The following RBBP8 variants were observed in gnomAD, a reference collection of about 807,000 sequenced individuals.
RBBP8 encodes the protein DNA endonuclease RBBP8.
In RBBP8, 88 loss-of-function variants were observed where a neutral mutation model predicts 108.3. That is an observed-to-expected ratio of 0.81 (90% CI 0.68 to 0.97). The LOEUF (loss-of-function observed/expected upper bound fraction) is 0.97, where lower values mean the gene tolerates loss of function less well. Among genes scored for constraint, RBBP8 ranks in the 50% least tolerant of loss-of-function variants. RBBP8 has a pLI of 0.00. For synonymous variants in RBBP8, 332 were observed against 348.2 expected, an observed-to-expected ratio of 0.95 and a Z score of 0.52; for missense variants, 1,023 against 1,049.0, an observed-to-expected ratio of 0.98 and a Z score of 0.34.
At chr18:22,958,581 G>T (rs1433213814) in intron 4 of RBBP8, among the ~76,000 whole-genome samples, 2 of 151,910 alleles carry the variant, frequency 1.3e-5, no homozygotes, top group African/African-American at 4.8e-5. Context: ...TTGAGGCAGG[G>T]TCTCGCTCTG....
chr18:22,995,826 A>G (rs1344291570), intron 12 of RBBP8, among the ~76,000 whole-genome samples: 2 of 152,104 alleles, frequency 1.3e-5, no homozygotes, highest in Admixed American at 6.5e-5. Flanking sequence ...CTTTTTTGCT[A>G]TTATGAACAA....
intron 16 of RBBP8, among the ~76,000 whole-genome samples, chr18:23,013,182 G>C (rs1049340117): frequency 6.6e-6 from 1 of 152,070 alleles, no homozygotes; most frequent in African/African-American, 2.4e-5. Context: ...TATTATAGTA[G>C]AGAAAGAGTG....
intron 5 of RBBP8, among the ~76,000 whole-genome samples, chr18:22,970,197 A>T (rs1272207966): frequency 6.6e-6 from 1 of 152,170 alleles, no homozygotes. Flanking sequence ...GCTTTTTGGA[A>T]CTTTGTAGAA....
chr18:23,023,869 C>CTT (rs10655759), intron 18 of RBBP8, among the ~76,000 whole-genome samples: 45,159 of 86,206 alleles, frequency 0.52, 14,702 homozygotes, highest in Non-Finnish European at 0.61. Context: ...ATGAAGGGGC[C>CTT]TTTTTTTTTT....
At chr18:22,972,065 A>G (rs1914136300) in intron 5 of RBBP8, among the ~76,000 whole-genome samples, 1 of 151,552 alleles carries the variant, frequency 6.6e-6, no homozygotes, top group Non-Finnish European at 1.5e-5. Context: ...GTTACGATCC[A>G]AAGAATTAGG....
rs1353157656 is a variant in RBBP8 at position 23,017,020 on chromosome 18, A to G, written c.2454+96A>G. 1.0e-5 allele frequency: 10 copies of G among 967,016 alleles called. No homozygotes were observed. The African/African-American group carries it at 1.5e-4, about 14-fold the overall frequency. The allele number at this position is 967,016 out of a possible 1,614,324, so 59.9% of individuals were successfully genotyped here. On this transcript the variant is annotated intron_variant, in intron 17 of 18. Coordinates refer to ENST00000327155, the MANE Select transcript of RBBP8 (RefSeq NM_002894.3). ...ATCACGTATACAAACCATATTGGTT[A>G]TAGAAACCTCTTATTTGAGCCAGGC...
intron 1 of RBBP8, among the ~76,000 whole-genome samples, chr18:22,915,187 T>C (rs986853399): frequency 6.6e-6 from 1 of 152,118 alleles, no homozygotes; most frequent in Non-Finnish European, 1.5e-5. Context: ...TTTTTTAACA[T>C]ATTATACTGA....
chr18:22,997,283 A>G (rs1455411821), intron 13 of RBBP8, among the ~76,000 whole-genome samples: 1 of 152,202 alleles, frequency 6.6e-6, no homozygotes, highest in African/African-American at 2.4e-5. Flanking sequence ...TTAATTTTTG[A>G]AAGTGTTCTT....
intron 1 of RBBP8, among the ~76,000 whole-genome samples, chr18:22,935,323 A>C (rs1439796759): frequency 6.7e-6 from 1 of 149,310 alleles, no homozygotes; most frequent in Admixed American, 6.6e-5. Context: ...AGCAAATCGC[A>C]GAGTATATCC....
At chr18:22,915,665 A>G (rs1909327042) in intron 2 of RBBP8, among the ~76,000 whole-genome samples, 1 of 152,030 alleles carries the variant, frequency 6.6e-6, no homozygotes, top group South Asian at 2.1e-4. Context: ...TTTTCAGGTA[A>G]TATATATATA....
chr18:22,970,258 A>G (rs1913973730), intron 5 of RBBP8, among the ~76,000 whole-genome samples: 1 of 152,192 alleles, frequency 6.6e-6, no homozygotes, highest in Non-Finnish European at 1.5e-5. Context: ...TCACAGATAT[A>G]GAAGGCCAAC....
intron 16 of RBBP8, among the ~76,000 whole-genome samples, chr18:23,008,702 C>CT (rs2046101464): frequency 6.7e-6 from 1 of 150,178 alleles, no homozygotes; most frequent in Admixed American, 6.6e-5. Context: ...TAGGGTTGCA[C>CT]TTTAGTCATT....
Position 22,992,882 on chromosome 18 carries a change from A to G in RBBP8, c.1055A>G (p.Gln352Arg), listed in dbSNP as rs780198609. The change falls in exon 11 of 19, where the codon CAG becomes CGG. Residue 352 changes from glutamine to arginine, a missense_variant. By Grantham distance (43) the Gln-to-Arg change is conservative (BLOSUM62 1). Transcript: ENST00000327155. Reference sequence around the variant, plus strand: ...ACAAGTTTGTCCCCTTCTCTTTTACAGCCTGGGAAAAAAAAACATCTGAAA... The same window carrying G: ...ACAAGTTTGTCCCCTTCTCTTTTACGGCCTGGGAAAAAAAAACATCTGAAA... The part of the protein sequence containing the change: ...LNTSLSPSLL[Q>R]PGKKKHLKTL... 6.2e-7 allele frequency: 1 copy of G among 1,613,972 alleles called. No individual in the cohort carries two copies. Among genetic ancestry groups the G allele is most frequent in the East Asian group, 2.2e-5 (1 of 44,838 alleles).
rs564522150 is a variant in RBBP8, at chr18:22,933,367, C to G, written c.-296C>G. ...GGGCTCCCGGGCGGGGCGGGTCCGG[C>G]CGCCTCCGAGCCCGGCCGGCAGCCC... On this transcript the variant is annotated 5_prime_UTR_variant, in exon 1 of 19. Coordinates refer to ENST00000327155, the MANE Select transcript of RBBP8 (RefSeq NM_002894.3). 3.9e-5 allele frequency: 6 copies of G among 152,704 alleles called. No individual in the cohort carries two copies. The East Asian group carries it at 7.8e-4, about 20-fold the overall frequency. The allele number at this position is 152,704 out of a possible 1,614,324, so 9.5% of individuals were successfully genotyped here.
intron 9 of RBBP8, 116 bp from the exon 10 acceptor site, chr18:22,990,821 G>T (rs781714470): frequency 3.6e-5 from 26 of 725,184 alleles, no homozygotes; most frequent in Non-Finnish European, 6.2e-5. Flanking sequence ...CCTTTGTCTG[G>T]CTTCTTAGTA....
chr18:22,977,462 A>G (rs1439089973), intron 6 of RBBP8, among the ~76,000 whole-genome samples: 3 of 152,100 alleles, frequency 2.0e-5, no homozygotes, highest in Admixed American at 6.6e-5. Flanking sequence ...TTTTGCCACT[A>G]TAAAGTTAAA....
intron 15 of RBBP8, among the ~76,000 whole-genome samples, chr18:23,003,900 C>CA (rs1477389224): frequency 1.3e-5 from 2 of 151,214 alleles, no homozygotes; most frequent in East Asian, 1.9e-4. Flanking sequence ...CCTGAAAATA[C>CA]AAAAAAATTA....
intron 18 of RBBP8, among the ~76,000 whole-genome samples, chr18:23,023,868 C>T (rs1408173202): frequency 2.1e-5 from 1 of 47,754 alleles, no homozygotes; most frequent in African/African-American, 8.6e-5. Context: ...TATGAAGGGG[C>T]CTTTTTTTTT....
intron 1 of RBBP8, among the ~76,000 whole-genome samples, chr18:22,935,136 A>G (rs1302904169): frequency 6.6e-6 from 1 of 151,448 alleles, no homozygotes; most frequent in Non-Finnish European, 1.5e-5. Context: ...AGTGCACCTA[A>G]TTCTACTTTT....
Sources: allele counts gnomAD v4.1 joint callset (sites outside exome capture counted in the v4.1 genomes callset), GRCh38; gene constraint gnomAD v4.1.1; transcripts MANE v1.5; gene names NCBI Gene and HGNC (gene_info 2026-07-23, HGNC 2026-07-21).